The following TEAD1 variants were observed in gnomAD, a reference collection of about 807,000 sequenced individuals.
TEAD1 encodes transcriptional enhancer factor TEF-1.
A neutral mutation model predicts 54.9 loss-of-function variants in TEAD1; 9 were observed. That is an observed-to-expected ratio of 0.16 (90% CI 0.10 to 0.29). The LOEUF is 0.29. Among genes scored for constraint, TEAD1 ranks in the 10% least tolerant of loss-of-function variants. TEAD1 has a pLI of 1.00. For synonymous variants in TEAD1, 200 were observed against 187.8 expected (o/e 1.07, Z -0.53); for missense variants, 387 against 535.9 (o/e 0.72, Z 2.74).
chr11:12,754,467 A>G (rs1272916099), intron 2 of TEAD1, among the ~76,000 whole-genome samples: 1 of 152,224 alleles, frequency 6.6e-6, no homozygotes, highest in Non-Finnish European at 1.5e-5. Context: ...CACACAAGAG[A>G]AAGTGACAGC....
chr11:12,930,374 T>C (rs775670637), intron 12 of TEAD1, 48 bp downstream of exon 12: 57 of 1,611,992 alleles, frequency 3.5e-5, no homozygotes, highest in Non-Finnish European at 4.4e-5. Flanking sequence ...GCCATGAGGC[T>C]TGACAGAAGT....
At chr11:12,779,480 C>T (rs1285088998) in intron 3 of TEAD1, among the ~76,000 whole-genome samples, 5 of 152,196 alleles carry the variant, frequency 3.3e-5, no homozygotes, top group African/African-American at 7.2e-5. Context: ...TGCTAAACCT[C>T]CATATCCTCA....
Position 12,752,536 on chromosome 11 carries a change from C to T in TEAD1, c.-54-11643C>T, listed in dbSNP as rs551366876. On this transcript the variant is annotated intron_variant, in intron 2 of 12. Transcript: ENST00000527636. ...GACGCAGACAGTATAGTATATATTT[C>T]TTTGTATCTTTTTTTTCCTCAATAT... Among the ~76,000 whole-genome samples, 10 of 152,208 alleles carry T rather than the reference C, an allele frequency of 6.6e-5. No individual in the cohort carries two copies. The South Asian group carries it at 2.1e-3, about 32-fold the overall frequency.
intron 3 of TEAD1, among the ~76,000 whole-genome samples, chr11:12,838,913 G>A (rs937676053): frequency 2.0e-5 from 3 of 152,160 alleles, no homozygotes; most frequent in African/African-American, 4.8e-5. Context: ...AACCACACAC[G>A]TGACATAAAA....
intron 3 of TEAD1, among the ~76,000 whole-genome samples, chr11:12,777,911 C>G (rs924718712): frequency 1.3e-5 from 2 of 152,104 alleles, no homozygotes; most frequent in Non-Finnish European, 2.9e-5. Context: ...TGATAGGGAC[C>G]TTTTGAAATG....
chr11:12,774,155 G>A (rs1256006074), intron 3 of TEAD1, among the ~76,000 whole-genome samples: 1 of 152,202 alleles, frequency 6.6e-6, no homozygotes, highest in South Asian at 2.1e-4. Flanking sequence ...CAGGACAGGA[G>A]GCTCTGGTCA....
intron 3 of TEAD1, among the ~76,000 whole-genome samples, chr11:12,791,416 T>C (rs1175861999): frequency 4.6e-5 from 7 of 152,214 alleles, no homozygotes; most frequent in African/African-American, 1.7e-4. Context: ...CTTTTGAAGA[T>C]TAATTCCTGA....
chr11:12,857,415 T>A (rs567924872), intron 3 of TEAD1, among the ~76,000 whole-genome samples: 17 of 152,194 alleles, frequency 1.1e-4, no homozygotes, highest in Non-Finnish European at 2.2e-4. Flanking sequence ...TATATCTCTC[T>A]CTGACTCACT....
intron 2 of TEAD1, among the ~76,000 whole-genome samples, chr11:12,740,165 C>A (rs1944623414): frequency 6.6e-6 from 1 of 152,208 alleles, no homozygotes. Flanking sequence ...TAAATCCTGG[C>A]TCTTCCACTT....
intron 3 of TEAD1, among the ~76,000 whole-genome samples, chr11:12,803,760 C>G (rs909516092): frequency 6.6e-6 from 1 of 152,200 alleles, no homozygotes; most frequent in South Asian, 2.1e-4. Flanking sequence ...CTCCTGTATC[C>G]TTCACAGCAA....
intron 10 of TEAD1, among the ~76,000 whole-genome samples, chr11:12,923,548 A>G (rs1194195323): frequency 6.6e-6 from 1 of 152,100 alleles, no homozygotes; most frequent in Non-Finnish European, 1.5e-5. Context: ...CCGGATGCGG[A>G]GCAGGGGGTT....
chr11:12,870,797 G>T (rs1250325378), intron 5 of TEAD1, among the ~76,000 whole-genome samples: 1 of 152,044 alleles, frequency 6.6e-6, no homozygotes, highest in Non-Finnish European at 1.5e-5. Context: ...GGGGCAGGAG[G>T]GTTGCTTGAA....
chr11:12,764,552 G>A, intron 3 of TEAD1, 118 bp downstream of exon 3: 1 of 1,214,276 alleles, frequency 8.2e-7, no homozygotes, highest in Non-Finnish European at 1.2e-6. Context: ...GATATTTGTA[G>A]AATTTTAGTG....
intron 3 of TEAD1, among the ~76,000 whole-genome samples, chr11:12,816,235 G>A (rs918082480): frequency 6.6e-6 from 1 of 152,174 alleles, no homozygotes; most frequent in Non-Finnish European, 1.5e-5. Flanking sequence ...CAAGCTGCCC[G>A]CCTTGCTGCC....
chr11:12,777,560 G>A lies in TEAD1; in HGVS notation c.202+13126G>A, dbSNP rs1945456642. On this transcript the variant is annotated intron_variant, in intron 3 of 12. Coordinates refer to ENST00000527636, the MANE Select transcript of TEAD1 (RefSeq NM_021961.6). Reference sequence around the variant, plus strand: ...TGGTGCATGATAATGTCCTGATAAGGACATTTGTACCTATAAAGTAGCCAC... The same window carrying A: ...TGGTGCATGATAATGTCCTGATAAGAACATTTGTACCTATAAAGTAGCCAC... Among the ~76,000 whole-genome samples the A allele has an allele frequency of 2.0e-5, 3 of 152,292 alleles. No individual in the cohort carries two copies. The South Asian group carries it at 6.2e-4, about 32-fold the overall frequency.
At chr11:12,723,928 T>C (rs1325449406) in intron 2 of TEAD1, among the ~76,000 whole-genome samples, 1 of 152,238 alleles carries the variant, frequency 6.6e-6, no homozygotes, top group African/African-American at 2.4e-5. Context: ...CTTTCTGGAA[T>C]GCTCGCCATC....
intron 3 of TEAD1, among the ~76,000 whole-genome samples, chr11:12,853,473 C>G (rs1306078273): frequency 5.3e-5 from 8 of 152,090 alleles, no homozygotes; most frequent in Non-Finnish European, 1.2e-4. Context: ...GAAAAATGAT[C>G]AGAGGCATAG....
intron 3 of TEAD1, chr11:12,822,723 G>A (rs2036934166): frequency 1.3e-5 from 2 of 152,230 alleles, no homozygotes; most frequent in Admixed American, 1.3e-4. Flanking sequence ...GTGCAGTAGA[G>A]CTCTGCTAAA....
chr11:12,745,587 GT>G (rs77963483), intron 2 of TEAD1, among the ~76,000 whole-genome samples: 8,033 of 130,364 alleles, frequency 0.062, 227 homozygotes, highest in African/African-American at 0.11. Flanking sequence ...ATTTTAAGGG[GT>G]TTTTTTTTTT....
Sources: allele counts gnomAD v4.1 joint callset (sites outside exome capture counted in the v4.1 genomes callset), GRCh38; gene constraint gnomAD v4.1.1; transcripts MANE v1.5; gene names NCBI Gene and HGNC (gene_info 2026-07-23, HGNC 2026-07-21).